ADD3: variants seen among roughly 807,000 people sequenced by gnomAD.
ADD3 encodes gamma-adducin.
In ADD3, 25 loss-of-function variants were observed where a neutral mutation model predicts 80.2. The ratio of observed to expected loss-of-function variants is 0.31; its 90% CI spans 0.23 to 0.44. The LOEUF (loss-of-function observed/expected upper bound fraction) is 0.44, where lower values mean the gene tolerates loss of function less well. ADD3 is among the 20% of genes least tolerant of loss of function. The pLI is 1.00. For missense variants in ADD3, 829 were observed against 847.5 expected (o/e 0.98, Z 0.27); for synonymous variants, 284 against 289.6 (o/e 0.98, Z 0.20).
At chr10:110,052,247 C>T (rs1857599489) in intron 1 of ADD3, among the ~76,000 whole-genome samples, 1 of 152,176 alleles carries the variant, frequency 6.6e-6, no homozygotes. Flanking sequence ...GGTACCCCCT[C>T]CCTCTTTAGG....
At chr10:110,060,403 A>AC (rs889200345) in intron 1 of ADD3, among the ~76,000 whole-genome samples, 43 of 152,066 alleles carry the variant, frequency 2.8e-4, no homozygotes, top group African/African-American at 7.7e-4. Context: ...GACAAGGAAA[A>AC]CCCCCCCTCT....
At chr10:110,092,216 G>T (rs1007959113) in intron 1 of ADD3, among the ~76,000 whole-genome samples, 2 of 152,118 alleles carry the variant, frequency 1.3e-5, no homozygotes, top group Non-Finnish European at 2.9e-5. Context: ...CATTTACTGG[G>T]TGTATACCCA....
chr10:110,003,846 T>C (rs1851536718), upstream of ADD3, among the ~76,000 whole-genome samples: 1 of 152,142 alleles, frequency 6.6e-6, no homozygotes, highest in African/African-American at 2.4e-5. Context: ...ATCATGACTG[T>C]GTTAGGAAAG....
chr10:110,102,327 C>T (rs539811147), intron 2 of ADD3, among the ~76,000 whole-genome samples: 6 of 152,190 alleles, frequency 3.9e-5, no homozygotes, highest in East Asian at 1.9e-4. Context: ...CTTACTAGAT[C>T]GGAAATGGTG....
intron 1 of ADD3, among the ~76,000 whole-genome samples, chr10:110,016,926 T>C (rs1047030159): frequency 3.3e-5 from 5 of 152,122 alleles, no homozygotes; most frequent in Non-Finnish European, 7.4e-5. Context: ...ACTTTGAAAA[T>C]ATGAATTGAA....
intron 1 of ADD3, among the ~76,000 whole-genome samples, chr10:110,021,635 TTAC>T (rs1853690585): frequency 6.6e-6 from 1 of 152,178 alleles, no homozygotes; most frequent in Non-Finnish European, 1.5e-5. Context: ...ATGGTTCCAC[TTAC>T]ATGAAATGTC....
chr10:110,026,029 A>T (rs952953547), intron 1 of ADD3, among the ~76,000 whole-genome samples: 2 of 152,166 alleles, frequency 1.3e-5, no homozygotes, highest in African/African-American at 4.8e-5. Flanking sequence ...AGCCACACTG[A>T]TATTATGTAT....
At chr10:110,091,435 A>G (rs1301087077) in intron 1 of ADD3, among the ~76,000 whole-genome samples, 1 of 152,248 alleles carries the variant, frequency 6.6e-6, no homozygotes, top group East Asian at 1.9e-4. Flanking sequence ...AAAAACAGAC[A>G]CATAGACCAA....
intron 1 of ADD3, among the ~76,000 whole-genome samples, chr10:110,088,100 A>G (rs1430646715): frequency 2.2e-4 from 34 of 152,048 alleles, no homozygotes; most frequent in Non-Finnish European, 5.9e-5. Flanking sequence ...CTTTCCTCTT[A>G]TAAAGATACT....
At chr10:110,041,220 G>C (rs1029385840) in intron 1 of ADD3, among the ~76,000 whole-genome samples, 1 of 152,226 alleles carries the variant, frequency 6.6e-6, no homozygotes, top group Non-Finnish European at 1.5e-5. Context: ...AGTTTGACAG[G>C]ACTGTAAATA....
intron 1 of ADD3, among the ~76,000 whole-genome samples, chr10:110,091,330 T>C (rs1847475490): frequency 1.3e-5 from 2 of 152,206 alleles, no homozygotes; most frequent in South Asian, 4.1e-4. Flanking sequence ...TTTCCTTATT[T>C]GTGAGAAGAA....
intron 12 of ADD3, among the ~76,000 whole-genome samples, 180 bp downstream of exon 12, chr10:110,126,683 T>A (rs1043182665): frequency 1.3e-5 from 2 of 152,222 alleles, no homozygotes; most frequent in African/African-American, 4.8e-5. Flanking sequence ...TTTCTGTTCT[T>A]TTCATTGCTT....
chr10:110,009,478 T>C (rs12572438), intron 1 of ADD3, among the ~76,000 whole-genome samples: 21,515 of 152,178 alleles, frequency 0.14, 1,893 homozygotes, highest in East Asian at 0.4. Flanking sequence ...AGTTAAATAC[T>C]TGACTGTTAA....
intron 1 of ADD3, among the ~76,000 whole-genome samples, chr10:110,054,614 C>CTTTT (rs1217850834): frequency 8.5e-4 from 103 of 121,054 alleles, no homozygotes; most frequent in African/African-American, 3.0e-3. Flanking sequence ...GGCAAAATTT[C>CTTTT]TTTTTTTTTT....
At chr10:110,062,652 A>C (rs1859072743) in intron 1 of ADD3, among the ~76,000 whole-genome samples, 1 of 152,224 alleles carries the variant, frequency 6.6e-6, no homozygotes, top group Non-Finnish European at 1.5e-5. Flanking sequence ...CAAAATTTTC[A>C]AAATGGTAAC....
At chr10:110,112,970 A>G in intron 3 of ADD3, 55 bp downstream of exon 3, 1 of 1,560,224 alleles carries the variant, frequency 6.4e-7, no homozygotes, top group Non-Finnish European at 8.7e-7. Flanking sequence ...ACTTTGGACC[A>G]CTATACATCT....
At chr10:110,130,177 G>A (rs1297435455) in intron 12 of ADD3, among the ~76,000 whole-genome samples, 186 bp from the exon 13 acceptor site, 1 of 152,066 alleles carries the variant, frequency 6.6e-6, no homozygotes. Flanking sequence ...TGGATTAGTA[G>A]TTTAAGGGCA....
rs538430843 is a variant in ADD3, at chr10:110,121,976, C to A, written c.961-134C>A. Reference sequence around the variant, plus strand: ...CTGTCTGCTGGCACAAGAGTGTCATCTTGTCTTTGTTGTTAGTAGCCTGAG... The same window carrying A: ...CTGTCTGCTGGCACAAGAGTGTCATATTGTCTTTGTTGTTAGTAGCCTGAG... On this transcript the variant is annotated intron_variant, in intron 8 of 14. Coordinates refer to ENST00000356080, the MANE Select transcript of ADD3 (RefSeq NM_016824.5). 7.2e-4 allele frequency: 478 copies of A among 667,776 alleles called. 7 individuals carry two copies. The South Asian group carries it at 7.2e-3, about 10-fold the overall frequency. 41.4% of individuals were successfully genotyped at this position (667,776 alleles called of 1,614,324 possible).
chr10:110,090,612 A>G (rs1050151681), intron 1 of ADD3, among the ~76,000 whole-genome samples: 8 of 152,222 alleles, frequency 5.3e-5, no homozygotes, highest in Non-Finnish European at 8.8e-5. Context: ...TTCCAATTGT[A>G]CAATCACAAG....
Sources: allele counts gnomAD v4.1 joint callset (sites outside exome capture counted in the v4.1 genomes callset), GRCh38; gene constraint gnomAD v4.1.1; transcripts MANE v1.5; gene names NCBI Gene and HGNC (gene_info 2026-07-23, HGNC 2026-07-21).